The following TUBB1 variants were observed in gnomAD, a reference collection of about 807,000 sequenced individuals.
The protein encoded by TUBB1 is tubulin beta 1 class VI, also known as tubulin beta-1 chain.
Under a neutral mutation model 22.6 loss-of-function variants are expected in TUBB1, and 28 were observed. That is an observed-to-expected ratio of 1.24 (90% confidence interval 0.92 to 1.70). The LOEUF is 1.70. Ranked by LOEUF, TUBB1 falls within the 40% of genes most tolerant of loss-of-function variation. The pLI, the probability that TUBB1 is intolerant of heterozygous loss-of-function variation, is 0.00. For synonymous variants in TUBB1, 226 were observed against 238.0 expected, an observed-to-expected ratio of 0.95 and a Z score of 0.46; for missense variants, 577 against 605.5, an observed-to-expected ratio of 0.95 and a Z score of 0.49.
At chr20:59,019,234 C>T (rs1233432063), upstream of TUBB1, 2 of 496,988 alleles carry the variant, frequency 4.0e-6, no homozygotes, top group South Asian at 2.1e-5. Flanking sequence ...TAATCTTGCA[C>T]TCACTCTCTA....
At chr20:59,022,786 C>G in intron 1 of TUBB1, 59 bp from the exon 2 acceptor site, 1 of 1,512,548 alleles carries the variant, frequency 6.6e-7, no homozygotes, top group Non-Finnish European at 9.2e-7. Flanking sequence ...CTAACTTTCT[C>G]TGTGGTTAAC....
At chr20:59,020,232 T>G (rs1398176004) in intron 1 of TUBB1, among the ~76,000 whole-genome samples, 2 of 152,174 alleles carry the variant, frequency 1.3e-5, no homozygotes, top group African/African-American at 4.8e-5. Flanking sequence ...TTGCCCACGC[T>G]GGAGTGCAAT....
rs754294863 is a variant in TUBB1 at position 59,019,526 on chromosome 20, C to G, written c.4C>G (p.Arg2Gly). 6.2e-7 allele frequency: 1 copy of G among 1,614,086 alleles called. No homozygotes were observed. Among genetic ancestry groups the G allele is most frequent in the South Asian group, 1.1e-5 (1 of 91,078 alleles). ...CAGACTTGGGCTCAGAGCAAGGATG[C>G]GTGAAATTGTCCATATTCAGATTGG... M[R>G]EIVHIQIGQC... The change falls in exon 1 of 4, where the codon CGT (arginine) becomes GGT (glycine). Residue 2 changes from arginine to glycine, a missense_variant. Coordinates refer to ENST00000217133, the MANE Select transcript of TUBB1 (RefSeq NM_030773.4).
intron 1 of TUBB1, among the ~76,000 whole-genome samples, chr20:59,020,363 T>C (rs2091962305): frequency 1.3e-5 from 2 of 152,230 alleles, no homozygotes; most frequent in South Asian, 2.1e-4. Flanking sequence ...TTTGTATTTT[T>C]AGTAGAGATG....
chr20:59,025,210 G>T lies in TUBB1; in HGVS notation c.*427G>T. 1 of 257,188 alleles carries T rather than the reference G, an allele frequency of 3.9e-6. No individual in the cohort carries two copies. The highest frequency in any genetic ancestry group is 7.7e-6 in the Non-Finnish European group (1 of 129,318). The allele number at this position is 257,188 out of a possible 1,614,324, so 15.9% of individuals were successfully genotyped here. ...AGGGCTACTAAGACTCTTTCCTTAGGTTCTTTCCTCTGAGCAAACACTGAC... is the reference window on the plus strand; with the variant it reads ...AGGGCTACTAAGACTCTTTCCTTAGTTTCTTTCCTCTGAGCAAACACTGAC... On this transcript the variant is annotated 3_prime_UTR_variant, in exon 4 of 4. Coordinates refer to ENST00000217133, the MANE Select transcript of TUBB1 (RefSeq NM_030773.4).
At chr20:59,018,263 T>C (rs2091952812), upstream of TUBB1, among the ~76,000 whole-genome samples, 1 of 152,116 alleles carries the variant, frequency 6.6e-6, no homozygotes, top group African/African-American at 2.4e-5. Context: ...CCTTGCCTGG[T>C]TGGAGGTAAT....
rs904081794 is a variant in TUBB1, at chr20:59,019,429, A to C, written c.-94A>C. The C allele has an allele frequency of 4.1e-6, 6 of 1,469,952 alleles. No individual in the cohort carries two copies. In the Admixed American group the frequency reaches 6.7e-5, roughly 16 times the overall value. 91.1% of individuals were successfully genotyped at this position (1,469,952 alleles called of 1,614,324 possible). A position where few individuals can be genotyped will look rare whatever the true frequency, so the allele number is the denominator to read the frequency against. Reference sequence around the variant, plus strand: ...GGCCAGTCCCACCACTGCAGTGACCACAGTTGTGTTGGGCTCACACCAGTG... The same window carrying C: ...GGCCAGTCCCACCACTGCAGTGACCCCAGTTGTGTTGGGCTCACACCAGTG... On this transcript the variant is annotated 5_prime_UTR_variant, in exon 1 of 4. Coordinates refer to ENST00000217133, the MANE Select transcript of TUBB1 (RefSeq NM_030773.4).
At chr20:59,017,181 AAGT>A, upstream of TUBB1, among the ~76,000 whole-genome samples, 1 of 152,328 alleles carries the variant, frequency 6.6e-6, no homozygotes, top group African/African-American at 2.4e-5. Context: ...GCCATGATCA[AAGT>A]CAAGAAATGG....
chr20:59,022,907 G>C lies in TUBB1; in HGVS notation c.120G>C (p.Ser40=). 2 of 1,614,086 alleles carry C rather than the reference G, an allele frequency of 1.2e-6. No individual in the cohort carries two copies. The highest frequency in any genetic ancestry group is 8.5e-7 in the Non-Finnish European group (1 of 1,180,016). ...TGGCTGGGAGCGACCGCGGGGCCTC[G>C]GCCTTGCAGCTGGAGAGAATCAGCG... The part of the protein sequence containing the change: ...IDLAGSDRGA[S]ALQLERISVY... Residue 40 remains serine, a synonymous_variant, in exon 2 of 4, where the codon TCG becomes TCC. Transcript: ENST00000217133.
upstream of TUBB1, among the ~76,000 whole-genome samples, chr20:59,018,516 T>C (rs1601235206): frequency 6.6e-6 from 1 of 152,140 alleles, no homozygotes; most frequent in South Asian, 2.1e-4. Context: ...CAAGCGATTC[T>C]CCTGCCGCAG....
Position 59,024,764 on chromosome 20 carries a change from C to T in TUBB1, c.1337C>T (p.Pro446Leu). Residue 446 changes from proline to leucine, a missense_variant, in exon 4 of 4, where the codon CCA (proline) becomes CTA (leucine). Physicochemically the swap from Pro to Leu is moderately conservative, Grantham distance 98. Transcript: ENST00000217133. The surrounding 1 kb of genome is among the most constrained non-coding windows in gnomAD (Gnocchi z 4.9). ...GTCACGGAGGAGGCAGAAATGGAGC[C>T]AGAAGATAAGGGACATTAACTGTGA... ...EEVTEEAEMEPEDKGH is the reference protein window; with the variant it reads ...EEVTEEAEMELEDKGH The T allele has an allele frequency of 6.2e-7, 1 of 1,614,032 alleles. No homozygotes were observed.
chr20:59,022,026 AACAT>A (rs1568689099), intron 1 of TUBB1, among the ~76,000 whole-genome samples: 1 of 151,420 alleles, frequency 6.6e-6, no homozygotes, highest in African/African-American at 2.4e-5. Context: ...CAAACAAACA[AACAT>A]AAAAAAATAA....
Position 59,024,843 on chromosome 20 carries a change from T to C in TUBB1, c.*60T>C, listed in dbSNP as rs2091987332. ...GAACAGTTTCTCATTAGATGAGTGT[T>C]TCTCCTGCAGCACTCCAAAACCCAC... On this transcript the variant is annotated 3_prime_UTR_variant, in exon 4 of 4. Transcript: ENST00000217133. The surrounding 1 kb of genome is among the most constrained non-coding windows in gnomAD (Gnocchi z 4.9). 1.3e-6 allele frequency: 2 copies of C among 1,520,894 alleles called. No individual in the cohort carries two copies. Among genetic ancestry groups the C allele is most frequent in the African/African-American group, 2.7e-5 (2 of 73,020 alleles). The allele number at this position is 1,520,894 out of a possible 1,614,324, so 94.2% of individuals were successfully genotyped here. A position where few individuals can be genotyped will look rare whatever the true frequency, so the allele number is the denominator to read the frequency against.
intron 2 of TUBB1, 104 bp downstream of exon 2, chr20:59,023,057 T>G: frequency 8.9e-7 from 1 of 1,117,784 alleles, no homozygotes; most frequent in Non-Finnish European, 1.3e-6. Flanking sequence ...GTGATGTCTA[T>G]GCTCAGGGAG....
chr20:59,024,760 G>A lies in TUBB1; in HGVS notation c.1333G>A (p.Glu445Lys). The A allele has an allele frequency of 1.9e-6, 3 of 1,614,164 alleles. No homozygotes were observed. In the South Asian group the frequency reaches 3.3e-5, roughly 18 times the overall value. ...DEEVTEEAEM[E>K]PEDKGH The stretch of plus-strand genomic sequence containing the variant: ...AGAGGTCACGGAGGAGGCAGAAATG[G>A]AGCCAGAAGATAAGGGACATTAACT... Residue 445 changes from glutamate (E) to lysine (K), a missense_variant, in exon 4 of 4, where the codon GAG (glutamate) becomes AAG (lysine). Physicochemically the swap from Glu to Lys is moderately conservative, Grantham distance 56 (BLOSUM62 1). Coordinates refer to ENST00000217133, the MANE Select transcript of TUBB1 (RefSeq NM_030773.4). This position sits in a 1 kb window ranked among gnomAD's most constrained non-coding sequence, Gnocchi z 4.9.
Position 59,025,051 on chromosome 20 carries a change from C to T in TUBB1, c.*268C>T, listed in dbSNP as rs1301486278. 2.2e-5 allele frequency: 11 copies of T among 494,526 alleles called. No homozygotes were observed. Among genetic ancestry groups the T allele is most frequent in the East Asian group, 3.7e-5 (1 of 26,892 alleles). The allele number at this position is 494,526 out of a possible 1,614,324, so 30.6% of individuals were successfully genotyped here. On this transcript the variant is annotated 3_prime_UTR_variant, in exon 4 of 4. Transcript: ENST00000217133. ...AAAATAGCAAATTTATTGTAAAGTG[C>T]TCCCTTTGTTTCAAAGTGTTTGCCA...
chr20:59,023,998 C>A lies in TUBB1; in HGVS notation c.571C>A (p.Gln191Lys). The A allele has an allele frequency of 1.2e-6, 2 of 1,614,200 alleles. No individual in the cohort carries two copies. The highest frequency in any genetic ancestry group is 2.2e-5 in the South Asian group (2 of 91,078). Residue 191 changes from glutamine to lysine, a missense_variant, in exon 4 of 4, where the codon CAG (glutamine) becomes AAG (lysine). By Grantham distance (53) the Gln-to-Lys change is moderately conservative. Coordinates refer to ENST00000217133, the MANE Select transcript of TUBB1 (RefSeq NM_030773.4). ...EPYNAVLSIH[Q>K]LIENADACFC... The stretch of plus-strand genomic sequence containing the variant: ...CTACAACGCGGTTCTGTCTATCCAC[C>A]AGCTGATTGAGAATGCAGATGCCTG...
chr20:59,023,514 T>A lies in TUBB1; in HGVS notation c.191T>A (p.Val64Asp). Residue 64 changes from valine to aspartate, a missense_variant, in exon 3 of 4, where the codon GTC (valine) becomes GAC (aspartate). Val to Asp is a radical substitution (Grantham distance 152, BLOSUM62 -3). Coordinates refer to ENST00000217133, the MANE Select transcript of TUBB1 (RefSeq NM_030773.4). ...GGTAGGAAATATGTGCCCCGAGCAG[T>A]CTTGGTGGACCTAGAACCTGGGACG... ...AYGRKYVPRA[V>D]LVDLEPGTMD... is the part of the protein sequence containing the mutation. The A allele has an allele frequency of 6.2e-7, 1 of 1,614,220 alleles. No individual in the cohort carries two copies. The highest frequency in any genetic ancestry group is 8.5e-7 in the Non-Finnish European group (1 of 1,180,042).
rs1203717138 is a variant in TUBB1, at chr20:59,025,485, T to C, written c.*702T>C. ...GCAAAACTAAAGAACTGCAGTCTTC[T>C]GATCTTTATTTCTGAAGAGCTAGCC... On this transcript the variant is annotated 3_prime_UTR_variant, in exon 4 of 4. Coordinates refer to ENST00000217133, the MANE Select transcript of TUBB1 (RefSeq NM_030773.4). 6.5e-6 allele frequency: 1 copy of C among 152,844 alleles called. No homozygotes were observed. Among genetic ancestry groups the C allele is most frequent in the Non-Finnish European group, 1.5e-5 (1 of 68,500 alleles). The allele number at this position is 152,844 out of a possible 1,614,324, so 9.5% of individuals were successfully genotyped here.
Sources: gnomAD v4.1 joint callset for allele counts (sites outside exome capture counted in the v4.1 genomes callset) on GRCh38, gnomAD v4.1.1 for gene constraint, Gnocchi (gnomAD v3.1) non-coding constraint, MANE v1.5 for transcripts, NCBI Gene and HGNC (gene_info 2026-07-23, HGNC 2026-07-21) for gene names.